Variants in STPG2 observed in about 807,000 individuals in gnomAD.
The protein encoded by STPG2 is sperm tail PG-rich repeat containing 2.
Under a neutral mutation model 54.2 loss-of-function variants are expected in STPG2, and 56 were observed. That is an observed-to-expected ratio of 1.03 (90% CI 0.83 to 1.29). STPG2 has a LOEUF of 1.29. Ranked by LOEUF, STPG2 falls within the 50% of genes most tolerant of loss-of-function variation. The pLI, the probability that STPG2 is intolerant of heterozygous loss-of-function variation, is 0.00. For missense variants in STPG2, 596 were observed against 544.9 expected (o/e 1.09, Z -0.93); for synonymous variants, 200 against 181.8 (o/e 1.10, Z -0.81).
At chr4:97,561,650 T>G (rs1011060925) in intron 10 of STPG2, among the ~76,000 whole-genome samples, 17 of 152,234 alleles carry the variant, frequency 1.1e-4, no homozygotes, top group African/African-American at 3.9e-4. Context: ...GGATTCAGTT[T>G]CAGCATATGG....
At chr4:97,963,160 AAAACAAAC>A (rs36002563) in intron 7 of STPG2, among the ~76,000 whole-genome samples, 11 of 150,174 alleles carry the variant, frequency 7.3e-5, no homozygotes, top group African/African-American at 2.0e-4. Flanking sequence ...CTCCATCTCA[AAAACAAAC>A]AAACAAACAA....
chr4:97,886,905 T>C (rs1445634164), intron 8 of STPG2, among the ~76,000 whole-genome samples: 1 of 152,170 alleles, frequency 6.6e-6, no homozygotes, highest in East Asian at 1.9e-4. Context: ...GATAAGATTG[T>C]TTAAAAGTGT....
At chr4:97,708,536 T>C (rs1438370454) in intron 10 of STPG2, among the ~76,000 whole-genome samples, 1 of 151,834 alleles carries the variant, frequency 6.6e-6, no homozygotes, top group Admixed American at 6.6e-5. Flanking sequence ...AATTTTTCCT[T>C]AAGAAATAAT....
intron 8 of STPG2, among the ~76,000 whole-genome samples, chr4:97,918,174 A>G (rs764986010): frequency 2.0e-5 from 3 of 152,214 alleles, no homozygotes; most frequent in Non-Finnish European, 4.4e-5. Flanking sequence ...AAGAAAAATT[A>G]CTAAACTCCT....
At chr4:98,012,532 A>C (rs1269871160) in intron 5 of STPG2, among the ~76,000 whole-genome samples, 1 of 152,148 alleles carries the variant, frequency 6.6e-6, no homozygotes, top group Non-Finnish European at 1.5e-5. Flanking sequence ...TCTATAAATT[A>C]CTTTGGGCAG....
intron 4 of STPG2, among the ~76,000 whole-genome samples, chr4:97,541,738 A>C (rs185739885): frequency 6.6e-6 from 1 of 152,308 alleles, no homozygotes; most frequent in East Asian, 1.9e-4. Flanking sequence ...AGGCTACAGT[A>C]ACCAAAACAG....
chr4:98,094,567 GGA>G (rs1383463157), intron 5 of STPG2, among the ~76,000 whole-genome samples: 1 of 152,150 alleles, frequency 6.6e-6, no homozygotes, highest in East Asian at 1.9e-4. Flanking sequence ...CTAGGCTCTT[GGA>G]CAGCATTTCT....
chr4:98,005,958 A>G (rs1735565594), intron 5 of STPG2, among the ~76,000 whole-genome samples: 2 of 152,168 alleles, frequency 1.3e-5, no homozygotes, highest in African/African-American at 4.8e-5. Context: ...AACTCTTTAA[A>G]TGTTTACTAT....
intron 9 of STPG2, among the ~76,000 whole-genome samples, chr4:97,724,088 G>C (rs140722717): frequency 6.6e-6 from 1 of 152,210 alleles, no homozygotes; most frequent in Non-Finnish European, 1.5e-5. Flanking sequence ...ATCTGTCTCT[G>C]AATTTTCTGT....
At chr4:97,517,624 C>G (rs966425252) in intron 4 of STPG2, among the ~76,000 whole-genome samples, 1 of 151,834 alleles carries the variant, frequency 6.6e-6, no homozygotes, top group Non-Finnish European at 1.5e-5. Flanking sequence ...TTTTTAAAAC[C>G]AACAAATTTT....
At chr4:97,564,463 T>C (rs1732364517) in intron 10 of STPG2, among the ~76,000 whole-genome samples, 1 of 152,220 alleles carries the variant, frequency 6.6e-6, no homozygotes, top group African/African-American at 2.4e-5. Context: ...TGTGTGTATT[T>C]GAGCCTGTCA....
intron 10 of STPG2, among the ~76,000 whole-genome samples, chr4:97,699,302 TG>T (rs1184732967): frequency 1.3e-5 from 2 of 152,156 alleles, no homozygotes; most frequent in Non-Finnish European, 2.9e-5. Flanking sequence ...CTGAGGTGGC[TG>T]GGGAAAGAGG....
chr4:97,951,086 A>C (rs1398682798), intron 7 of STPG2, among the ~76,000 whole-genome samples: 1 of 152,108 alleles, frequency 6.6e-6, no homozygotes, highest in Non-Finnish European at 1.5e-5. Context: ...CCACCCAGGG[A>C]CTGACTCAGC....
At chr4:97,860,705 T>C (rs1209382042) in intron 8 of STPG2, among the ~76,000 whole-genome samples, 1 of 151,840 alleles carries the variant, frequency 6.6e-6, no homozygotes, top group Non-Finnish European at 1.5e-5. Flanking sequence ...TCTAGATACA[T>C]GACCGTATCA....
At chr4:97,606,944 A>G (rs1158048504) in intron 10 of STPG2, among the ~76,000 whole-genome samples, 1 of 152,042 alleles carries the variant, frequency 6.6e-6, no homozygotes, top group Admixed American at 6.6e-5. Flanking sequence ...TATCAGATGT[A>G]CTGACATGGA....
intron 3 of STPG2, among the ~76,000 whole-genome samples, chr4:98,121,335 T>A (rs1267723418): frequency 6.6e-6 from 1 of 151,730 alleles, no homozygotes; most frequent in Non-Finnish European, 1.5e-5. Context: ...ATGCCTCTAG[T>A]TTTGTTCTTT....
At chr4:97,861,732 A>C (rs1350491640) in intron 8 of STPG2, among the ~76,000 whole-genome samples, 1 of 152,204 alleles carries the variant, frequency 6.6e-6, no homozygotes, top group Non-Finnish European at 1.5e-5. Flanking sequence ...TCTCGGCAGA[A>C]ACTCTACAAG....
intron 8 of STPG2, among the ~76,000 whole-genome samples, chr4:97,862,052 A>G (rs977334168): frequency 1.3e-5 from 2 of 152,042 alleles, no homozygotes; most frequent in East Asian, 3.9e-4. Context: ...ATAATGACAG[A>G]ATCAAATTCA....
intron 8 of STPG2, among the ~76,000 whole-genome samples, chr4:97,942,661 T>C (rs1733034496): frequency 6.6e-6 from 1 of 152,146 alleles, no homozygotes; most frequent in Non-Finnish European, 1.5e-5. Context: ...TTCAGAGTTA[T>C]ATTAACTAGC....
Sources: gnomAD v4.1 joint callset for allele counts (sites outside exome capture counted in the v4.1 genomes callset) on GRCh38, gnomAD v4.1.1 for gene constraint, MANE v1.5 for transcripts, NCBI Gene and HGNC (gene_info 2026-07-23, HGNC 2026-07-21) for gene names.